PLXND1: variants seen among roughly 807,000 people sequenced by gnomAD.
PLXND1 encodes the protein plexin-D1.
In PLXND1, 54 loss-of-function variants were observed where a neutral mutation model predicts 197.7. The ratio of observed to expected loss-of-function variants is 0.27; its 90% CI spans 0.22 to 0.34. PLXND1 has a LOEUF of 0.34. Among genes scored for constraint, PLXND1 ranks in the 10% least tolerant of loss-of-function variants. PLXND1 has a pLI of 1.00. For synonymous variants in PLXND1, 1,180 were observed against 1,161.2 expected (o/e 1.02, Z -0.33); for missense variants, 2,127 against 2,699.2 (o/e 0.79, Z 4.70).
chr3:129,580,523 C>T (rs541658448), intron 8 of PLXND1, among the ~76,000 whole-genome samples: 1 of 152,110 alleles, frequency 6.6e-6, no homozygotes, highest in Non-Finnish European at 1.5e-5. Flanking sequence ...CCCCAGCCCA[C>T]CCGGTGGGTA....
chr3:129,561,719 G>T lies in PLXND1; in HGVS notation c.4930-10C>A, dbSNP rs373574898. 17 of 1,600,378 alleles carry T rather than the reference G, an allele frequency of 1.1e-5. No homozygotes were observed. Among genetic ancestry groups the T allele is most frequent in the Non-Finnish European group, 1.4e-5 (16 of 1,173,156 alleles). On this transcript the variant is annotated splice_polypyrimidine_tract_variant and intron_variant, in intron 28 of 35. Transcript: ENST00000324093. ...AGGCACCTTCAGGGATCTGATGGGAGGGGAGAGGCCGAGGTCAGAGGCCGG... is the reference window on the plus strand; with the variant it reads ...AGGCACCTTCAGGGATCTGATGGGATGGGAGAGGCCGAGGTCAGAGGCCGG...
At chr3:129,592,599 G>A (rs1248699547) in intron 1 of PLXND1, among the ~76,000 whole-genome samples, 5 of 152,044 alleles carry the variant, frequency 3.3e-5, no homozygotes, top group East Asian at 1.9e-4. Context: ...AGGGGAGCTC[G>A]CTGGGAGCCC....
intron 2 of PLXND1, among the ~76,000 whole-genome samples, chr3:129,587,939 G>A (rs866663477): frequency 2.7e-5 from 4 of 150,230 alleles, no homozygotes; most frequent in East Asian, 1.9e-4. Context: ...GCCTCTTGGC[G>A]GAGCCTTGCA....
intron 1 of PLXND1, among the ~76,000 whole-genome samples, chr3:129,593,315 G>A (rs1182831485): frequency 6.6e-6 from 1 of 152,144 alleles, no homozygotes; most frequent in Admixed American, 6.5e-5. Context: ...ACAGGTCCTG[G>A]AATGTGCCCA....
At position 129,578,338 on chromosome 3, in the gene PLXND1, G is replaced by T; in HGVS notation, c.2337C>A (p.Ala779=). The part of the protein sequence containing the change: ...QNILVPLANT[A]FFQGAALECS... ...CCTGGCTTCTACTTACCTGGAAAAAGGCAGTGTTGGCCAGAGGCACCAGGA... is the reference window on the plus strand; with the variant it reads ...CCTGGCTTCTACTTACCTGGAAAAATGCAGTGTTGGCCAGAGGCACCAGGA... Residue 779 remains alanine (A), a synonymous_variant, in exon 9 of 36, where the codon GCC becomes GCA. Coordinates refer to ENST00000324093, the MANE Select transcript of PLXND1 (RefSeq NM_015103.3). 1 of 1,600,262 alleles carries T rather than the reference G, an allele frequency of 6.2e-7. No homozygotes were observed. Among genetic ancestry groups the T allele is most frequent in the Non-Finnish European group, 8.5e-7 (1 of 1,173,154 alleles).
intron 22 of PLXND1, 54 bp from the exon 23 acceptor site, chr3:129,566,685 T>C: frequency 9.0e-7 from 1 of 1,115,614 alleles, no homozygotes. Flanking sequence ...CCTGCTGGCA[T>C]GGAAAGGTCA....
In PLXND1 at chr3:129,561,667, T is replaced by C; in HGVS notation, c.4972A>G (p.Lys1658Glu). The C allele has an allele frequency of 6.2e-7, 1 of 1,608,924 alleles. No individual in the cohort carries two copies. The highest frequency in any genetic ancestry group is 8.5e-7 in the Non-Finnish European group (1 of 1,177,818). ...ASLAMSLIDK[K>E]DNTLGRVKDL... The stretch of plus-strand genomic sequence containing the variant: ...CTACCTCGGCCCAGTGTGTTGTCCT[T>C]CTTGTCTATGAGACTCATGGCCAGG... Residue 1658 changes from lysine (K) to glutamate (E), a missense_variant, in exon 29 of 36, where the codon AAG becomes GAG. Transcript: ENST00000324093.
At chr3:129,570,021 A>ACAGCAAGTGAGGAG in intron 19 of PLXND1, 64 bp from the exon 20 acceptor site, 1 of 927,432 alleles carries the variant, frequency 1.1e-6, no homozygotes, top group Non-Finnish European at 1.8e-6. Context: ...TCTGCTCCTC[A>ACAGCAAGTGAGGAG]CTTGCTGTGT....
intron 1 of PLXND1, 72 bp downstream of exon 1, chr3:129,605,257 C>T: frequency 1.8e-6 from 1 of 552,456 alleles, no homozygotes; most frequent in Middle Eastern, 5.6e-4. Context: ...ACGACCCGCT[C>T]GGTTCCCGCC....
At chr3:129,598,803 T>A (rs2085664820) in intron 1 of PLXND1, among the ~76,000 whole-genome samples, 1 of 152,086 alleles carries the variant, frequency 6.6e-6, no homozygotes, top group African/African-American at 2.4e-5. Context: ...CTGCTCCACC[T>A]GGAGCACCAC....
rs763173193 is a variant in PLXND1, at chr3:129,570,942, G to A, written c.3601-7C>T. 3 of 1,614,202 alleles carry A rather than the reference G, an allele frequency of 1.9e-6. No homozygotes were observed. The highest frequency in any genetic ancestry group is 1.1e-5 in the South Asian group (1 of 91,082). ...CCAGGCTGTCCTGCTCCTTCTGTGG[G>A]TGCAAAGGGGGAGGATGCTCATGGG... is the stretch of plus-strand genomic sequence containing the variant. On this transcript the variant is annotated splice_region_variant and splice_polypyrimidine_tract_variant and intron_variant, in intron 18 of 35. Transcript: ENST00000324093.
At position 129,559,760 on chromosome 3, in the gene PLXND1, A is replaced by G; in HGVS notation, c.5157T>C (p.Asp1719=). Residue 1719 remains aspartate (D), a synonymous_variant, in exon 32 of 36, where the codon GAT becomes GAC. Transcript: ENST00000324093. ...STKGTLQKFL[D]DLFKAILSIR... The stretch of plus-strand genomic sequence containing the variant: ...TACTCAGAATGGCCTTGAACAGGTC[A>G]TCCAGAAACTTCTGCAACGTGCCCT... The G allele has an allele frequency of 6.2e-7, 1 of 1,608,216 alleles. No individual in the cohort carries two copies. Among genetic ancestry groups the G allele is most frequent in the Non-Finnish European group, 8.5e-7 (1 of 1,177,282 alleles).
intron 1 of PLXND1, among the ~76,000 whole-genome samples, chr3:129,604,262 G>T (rs1260809373): frequency 6.6e-6 from 1 of 151,868 alleles, no homozygotes; most frequent in Non-Finnish European, 1.5e-5. Flanking sequence ...CCATTCTCCT[G>T]GCCCTGGCAT....
Position 129,567,591 on chromosome 3 carries a change from C to A in PLXND1, c.3987G>T (p.Leu1329=). The A allele has an allele frequency of 6.2e-7, 1 of 1,610,872 alleles. No individual in the cohort carries two copies. The highest frequency in any genetic ancestry group is 8.5e-7 in the Non-Finnish European group (1 of 1,177,832). Reference sequence around the variant, plus strand: ...TGGTGAGATCTGTCATGTCTGTCTGCAGCTCAGCGAAGCCTGGCGGACACA... The same window carrying A: ...TGGTGAGATCTGTCATGTCTGTCTGAAGCTCAGCGAAGCCTGGCGGACACA... ...REEIRKGFAE[L]QTDMTDLTKE... Residue 1329 remains leucine, a synonymous_variant, in exon 22 of 36, where the codon CTG becomes CTT. Transcript: ENST00000324093.
rs1560060273 is a variant in PLXND1 at position 129,562,780 on chromosome 3, C to CA, written c.4825+6dup. Reference sequence around the variant, plus strand: ...GACACGGGGTCTCTGCCCCCATTCCCACCCACCAAGGTCGACGTCCTCTGC... The same window carrying CA: ...GACACGGGGTCTCTGCCCCCATTCCCAACCCACCAAGGTCGACGTCCTCTGC... On this transcript the variant is annotated splice_region_variant and intron_variant, in intron 27 of 35. Coordinates refer to ENST00000324093, the MANE Select transcript of PLXND1 (RefSeq NM_015103.3). The CA allele has an allele frequency of 1.0e-5, 16 of 1,587,914 alleles. No homozygotes were observed. Among genetic ancestry groups the CA allele is most frequent in the Non-Finnish European group, 1.4e-5 (16 of 1,159,426 alleles).
At chr3:129,575,913 C>T in intron 9 of PLXND1, 58 bp from the exon 10 acceptor site, 1 of 974,754 alleles carries the variant, frequency 1.0e-6, no homozygotes, top group Non-Finnish European at 1.6e-6. Flanking sequence ...GCATGCATTG[C>T]CCTCTAACTC....
chr3:129,578,498 C>T, intron 8 of PLXND1, 65 bp from the exon 9 acceptor site: 1 of 976,828 alleles, frequency 1.0e-6, no homozygotes, highest in Non-Finnish European at 1.6e-6. Flanking sequence ...GGAGGACTCA[C>T]TGCACCCCAG....
intron 22 of PLXND1, among the ~76,000 whole-genome samples, 192 bp downstream of exon 22, chr3:129,567,300 A>G (rs2085154484): frequency 6.6e-6 from 1 of 152,212 alleles, no homozygotes; most frequent in East Asian, 1.9e-4. Context: ...AAGTGAGCAG[A>G]GAATGACAGT....
intron 1 of PLXND1, among the ~76,000 whole-genome samples, chr3:129,601,927 G>C (rs1228457840): frequency 6.6e-6 from 1 of 152,174 alleles, no homozygotes; most frequent in African/African-American, 2.4e-5. Flanking sequence ...CACAGAGCCT[G>C]GCACACAGTA....
Sources: allele counts gnomAD v4.1 joint callset (sites outside exome capture counted in the v4.1 genomes callset), GRCh38; gene constraint gnomAD v4.1.1; transcripts MANE v1.5; gene names NCBI Gene and HGNC (gene_info 2026-07-23, HGNC 2026-07-21).